Variants in ARHGAP18 observed in about 807,000 individuals in gnomAD.
ARHGAP18 encodes the protein rho GTPase-activating protein 18.
Under a neutral mutation model 86.2 loss-of-function variants are expected in ARHGAP18, and 67 were observed. That is an observed-to-expected ratio of 0.78 (90% CI 0.64 to 0.95). ARHGAP18 has a LOEUF of 0.95. ARHGAP18 is among the 40% of genes least tolerant of loss of function. The probability of loss-of-function intolerance (pLI) is 0.00; values close to 1 mark genes in which losing one functional copy is unlikely to be tolerated. For missense variants in ARHGAP18, 691 were observed against 780.4 expected, an observed-to-expected ratio of 0.89 and a Z score of 1.37; for synonymous variants, 283 against 280.4, an observed-to-expected ratio of 1.01 and a Z score of -0.09.
rs568481387 is a variant in ARHGAP18 at position 129,577,902 on chromosome 6, T to A, written c.*611A>T. The A allele has an allele frequency of 1.3e-5, 2 of 152,232 alleles. No individual in the cohort carries two copies. Among genetic ancestry groups the A allele is most frequent in the South Asian group, 2.1e-4 (1 of 4,818 alleles). 9.4% of individuals were successfully genotyped at this position (152,232 alleles called of 1,614,324 possible). The stretch of plus-strand genomic sequence containing the variant: ...TACGGTTCTGTGAACATAAGTCAGA[T>A]GAACTGAAAAAAAATGCAAATCACT... On this transcript the variant is annotated 3_prime_UTR_variant, in exon 15 of 15. Coordinates refer to ENST00000368149, the MANE Select transcript of ARHGAP18 (RefSeq NM_033515.3).
intron 12 of ARHGAP18, 74 bp from the exon 13 acceptor site, chr6:129,584,186 T>A: frequency 6.4e-7 from 1 of 1,569,442 alleles, no homozygotes; most frequent in Non-Finnish European, 8.7e-7. Flanking sequence ...CATTATATAG[T>A]AAGTGTGCTT....
At chr6:129,682,368 C>T (rs1203182177) in intron 1 of ARHGAP18, among the ~76,000 whole-genome samples, 1 of 152,182 alleles carries the variant, frequency 6.6e-6, no homozygotes, top group African/African-American at 2.4e-5. Flanking sequence ...CCTCATTTCC[C>T]CGTGTTCTGA....
intron 10 of ARHGAP18, among the ~76,000 whole-genome samples, chr6:129,604,728 T>G (rs1212670855): frequency 2.6e-5 from 4 of 152,198 alleles, no homozygotes; most frequent in Admixed American, 1.3e-4. Context: ...TAAAACCTAA[T>G]GCTGTCTTCT....
At chr6:129,639,196 T>A (rs1393977740) in intron 2 of ARHGAP18, among the ~76,000 whole-genome samples, 1 of 152,204 alleles carries the variant, frequency 6.6e-6, no homozygotes, top group East Asian at 1.9e-4. Context: ...TACAATGTTT[T>A]TTTAAAAGCA....
At chr6:129,640,597 GA>G (rs748769550) in intron 2 of ARHGAP18, among the ~76,000 whole-genome samples, 1 of 152,016 alleles carries the variant, frequency 6.6e-6, no homozygotes, top group Non-Finnish European at 1.5e-5. Flanking sequence ...ATTAAATTAA[GA>G]AAAAACCCCA....
intron 1 of ARHGAP18, among the ~76,000 whole-genome samples, chr6:129,678,639 AC>A (rs1373353959): frequency 1.3e-5 from 2 of 152,208 alleles, no homozygotes; most frequent in Admixed American, 1.3e-4. Context: ...TGGGAGCTTC[AC>A]CAAAAACAAA....
intron 1 of ARHGAP18, among the ~76,000 whole-genome samples, chr6:129,698,450 C>T (rs1048009269): frequency 6.6e-6 from 1 of 151,950 alleles, no homozygotes; most frequent in Admixed American, 6.6e-5. Flanking sequence ...AGCCAAACCA[C>T]CAAAATTTCA....
At chr6:129,637,513 C>T (rs1773358706) in intron 3 of ARHGAP18, among the ~76,000 whole-genome samples, 1 of 152,156 alleles carries the variant, frequency 6.6e-6, no homozygotes, top group Non-Finnish European at 1.5e-5. Flanking sequence ...TAAAGTTTAA[C>T]CTAAAGCTGC....
At chr6:129,707,963 C>A (rs982937394) in intron 1 of ARHGAP18, among the ~76,000 whole-genome samples, 6 of 152,052 alleles carry the variant, frequency 3.9e-5, no homozygotes, top group African/African-American at 1.4e-4. Context: ...AGTTCACCGC[C>A]CCGAAACCAC....
intron 1 of ARHGAP18, among the ~76,000 whole-genome samples, chr6:129,685,092 G>C (rs12202304): frequency 6.6e-6 from 1 of 152,074 alleles, no homozygotes; most frequent in Admixed American, 6.6e-5. Context: ...AGGCTGCCAG[G>C]GTTTCAAAGC....
In ARHGAP18 at chr6:129,629,521, G is replaced by A. The variant is rs757825075; in HGVS notation, c.618C>T (p.Asp206=). ...CTTCACCAACAAGGTTAGATGCCTC[G>A]TCTAGGGGCCCGGGGGGAAAGAACC... The part of the protein sequence containing the change: ...TNENKYQGRD[D]EASNLVGEEK... The change falls in exon 5 of 15, where the codon GAC becomes GAT. Residue 206 remains aspartate, a splice_region_variant and synonymous_variant. Transcript: ENST00000368149. The A allele has an allele frequency of 1.6e-5, 25 of 1,608,442 alleles. No homozygotes were observed. The highest frequency in any genetic ancestry group is 2.2e-5 in the East Asian group (1 of 44,822).
At chr6:129,578,647 T>C (rs1584015384) in intron 14 of ARHGAP18, 43 bp from the exon 15 acceptor site, 4 of 1,476,652 alleles carry the variant, frequency 2.7e-6, no homozygotes, top group South Asian at 1.2e-5. Flanking sequence ...AGCAGGTAGA[T>C]TGGTATGCAA....
chr6:129,618,643 G>T (rs1361154236), intron 6 of ARHGAP18, 44 bp downstream of exon 6: 1 of 1,528,896 alleles, frequency 6.5e-7, no homozygotes, highest in Admixed American at 2.1e-5. Flanking sequence ...GTCCATCCTT[G>T]CTATTTTAGA....
chr6:129,637,642 C>G (rs779625896), intron 3 of ARHGAP18, among the ~76,000 whole-genome samples: 9 of 152,172 alleles, frequency 5.9e-5, no homozygotes, highest in Non-Finnish European at 1.2e-4. Flanking sequence ...TTTGACCAAT[C>G]AAAGGTGGCC....
chr6:129,599,400 C>A (rs746131257), intron 11 of ARHGAP18, 44 bp from the exon 12 acceptor site: 3 of 1,393,700 alleles, frequency 2.2e-6, no homozygotes, highest in South Asian at 3.6e-5. Flanking sequence ...AAAGAAATGC[C>A]ACCATTTTAA....
intron 4 of ARHGAP18, among the ~76,000 whole-genome samples, chr6:129,630,618 C>T (rs1191363505): frequency 6.6e-6 from 1 of 152,142 alleles, no homozygotes; most frequent in Non-Finnish European, 1.5e-5. Context: ...TATTCATTTA[C>T]ATTAAAAATG....
chr6:129,665,401 T>A (rs1774018324), intron 1 of ARHGAP18, among the ~76,000 whole-genome samples: 1 of 151,706 alleles, frequency 6.6e-6, no homozygotes, highest in Non-Finnish European at 1.5e-5. Context: ...CAAAAAAAAA[T>A]TAGCCAGGTG....
chr6:129,625,677 ATATATATTTATATAT>A lies in ARHGAP18; in HGVS notation c.786+3661_786+3675del, dbSNP rs1440357226. ...ATATTATATATATTTATATTATATT[ATATATATTTATATAT>A]TATATATTTATATATTATATATTTA... On this transcript the variant is annotated intron_variant, in intron 5 of 14. Coordinates refer to ENST00000368149, the MANE Select transcript of ARHGAP18 (RefSeq NM_033515.3). Among the ~76,000 whole-genome samples the A allele has an allele frequency of 9.3e-3, 101 of 10,870 alleles. 9 individuals are homozygous for A. Among genetic ancestry groups the A allele is most frequent in the African/African-American group, 0.019 (54 of 2,892 alleles). The allele number at this position is 10,870 out of a possible 152,430, so 7.1% of individuals were successfully genotyped here. A position where few individuals can be genotyped will look rare whatever the true frequency, so the allele number is the denominator to read the frequency against.
At chr6:129,689,822 G>T (rs550537641) in intron 1 of ARHGAP18, among the ~76,000 whole-genome samples, 32 of 152,206 alleles carry the variant, frequency 2.1e-4, no homozygotes, top group African/African-American at 7.2e-4. Flanking sequence ...GCTTTTCACA[G>T]AAACCTGGAA....
Sources: allele counts gnomAD v4.1 joint callset (sites outside exome capture counted in the v4.1 genomes callset), GRCh38; gene constraint gnomAD v4.1.1; transcripts MANE v1.5; gene names NCBI Gene and HGNC (gene_info 2026-07-23, HGNC 2026-07-21).